Variants in ERCC2 observed in about 807,000 individuals in gnomAD.
ERCC2 encodes ERCC excision repair 2, TFIIH core complex helicase subunit.
ERCC2 carries 90 observed loss-of-function variants against 99.4 expected under a neutral mutation model. That is an observed-to-expected ratio of 0.91 (90% CI 0.76 to 1.08). The LOEUF (loss-of-function observed/expected upper bound fraction) is 1.08. ERCC2 is among the 50% of genes least tolerant of loss of function. The pLI, the probability that ERCC2 is intolerant of heterozygous loss-of-function variation, is 0.00. For synonymous variants in ERCC2, 497 were observed against 432.4 expected (o/e 1.15, Z -1.85); for missense variants, 993 against 1,038.1 (o/e 0.96, Z 0.60).
At chr19:45,352,932 C>T (rs1971867647) in intron 19 of ERCC2, 116 bp from the exon 20 acceptor site, 19 of 1,245,022 alleles carry the variant, frequency 1.5e-5, no homozygotes, top group Non-Finnish European at 2.1e-5. Flanking sequence ...TGTGTTCCCG[C>T]CGGGTGCCTA....
At chr19:45,370,372 C>G in intron 1 of ERCC2, 140 bp from the exon 2 acceptor site, 1 of 1,510,472 alleles carries the variant, frequency 6.6e-7, no homozygotes, top group Non-Finnish European at 8.9e-7. Context: ...CCTCGGGGCC[C>G]CCTCAGTGTC....
rs1449711935 is a variant in ERCC2, at chr19:45,368,625, C to T, written c.360+5G>A. ...TAAGGGCAAGGAGAAGGAACAGGTG[C>T]TCACCTCAGGGTGAATACACAAGTT... On this transcript the variant is annotated splice_donor_5th_base_variant and intron_variant, in intron 5 of 22. Coordinates refer to ENST00000391945, the MANE Select transcript of ERCC2 (RefSeq NM_000400.4). The T allele has an allele frequency of 1.9e-6, 3 of 1,580,998 alleles. No homozygotes were observed. The highest frequency in any genetic ancestry group is 2.2e-5 in the South Asian group (2 of 90,454).
intron 2 of ERCC2, among the ~76,000 whole-genome samples, chr19:45,369,796 C>G (rs998670074): frequency 9.2e-5 from 14 of 152,248 alleles, no homozygotes; most frequent in African/African-American, 3.4e-4. Context: ...CTGCCTCAGC[C>G]TCCCGAGTAG....
rs970615205 is a variant in ERCC2 at position 45,360,739 on chromosome 19, G to A, written c.1237+785C>T. Among the ~76,000 whole-genome samples, 17 of 151,972 alleles carry A rather than the reference G, an allele frequency of 1.1e-4. 1 individual carries two copies. The highest frequency in any genetic ancestry group is 6.2e-4 in the South Asian group (3 of 4,818). On this transcript the variant is annotated intron_variant, in intron 12 of 22. Transcript: ENST00000391945. ...TCGCCATGTTCACCAGGCCAGTCTC[G>A]AACTCCTGACCTCAGGTCATCTGCC...
chr19:45,364,579 C>G, intron 7 of ERCC2, 32 bp from the exon 8 acceptor site: 2 of 1,610,628 alleles, frequency 1.2e-6, no homozygotes, highest in South Asian at 1.1e-5. Context: ...TTACCAGGGC[C>G]CTGCCACCCC....
intron 5 of ERCC2, 119 bp from the exon 6 acceptor site, chr19:45,365,277 G>A: frequency 2.6e-6 from 2 of 771,740 alleles, no homozygotes; most frequent in Non-Finnish European, 4.6e-6. Flanking sequence ...TCAGTCTGTT[G>A]CATTATTAGT....
chr19:45,353,503 G>A (rs1339830049), intron 17 of ERCC2, among the ~76,000 whole-genome samples, 169 bp from the exon 18 acceptor site: 1 of 152,176 alleles, frequency 6.6e-6, no homozygotes, highest in Non-Finnish European at 1.5e-5. Flanking sequence ...TGGGGAAACA[G>A]TGATCTGGGT....
At chr19:45,355,380 C>T (rs1020582663) in intron 16 of ERCC2, among the ~76,000 whole-genome samples, 2 of 152,152 alleles carry the variant, frequency 1.3e-5, no homozygotes, top group Non-Finnish European at 2.9e-5. Context: ...GTGTCACTTC[C>T]AGGGGAGCAC....
chr19:45,362,114 C>T (rs575187298), intron 11 of ERCC2, among the ~76,000 whole-genome samples: 5 of 152,006 alleles, frequency 3.3e-5, no homozygotes, highest in Middle Eastern at 3.4e-3. Context: ...TTAGTAGAGA[C>T]GGACTTTCAC....
chr19:45,352,058 A>C (rs1971816220), intron 22 of ERCC2, 151 bp downstream of exon 22: 3 of 953,638 alleles, frequency 3.1e-6, no homozygotes, highest in Non-Finnish European at 4.8e-6. Flanking sequence ...CCTTCCCCCC[A>C]GAGCCTGGCA....
intron 12 of ERCC2, chr19:45,358,715 C>G (rs1411577604): frequency 7.2e-6 from 5 of 695,658 alleles, no homozygotes; most frequent in Non-Finnish European, 1.3e-5. Context: ...GAGGCCCTCC[C>G]CAGCCACCTT....
chr19:45,355,645 C>T lies in ERCC2; in HGVS notation c.1543+20G>A, dbSNP rs1314549952. On this transcript the variant is annotated intron_variant, in intron 16 of 22. Coordinates refer to ENST00000391945, the MANE Select transcript of ERCC2 (RefSeq NM_000400.4). ...CTCCCCTCTTGGAACCCACAGAAAC[C>T]AGCCCCACTGGCAGCATACCAATAT... 1.9e-6 allele frequency: 3 copies of T among 1,611,836 alleles called. No homozygotes were observed. The highest frequency in any genetic ancestry group is 1.7e-5 in the Admixed American group (1 of 60,016).
chr19:45,368,512 T>C, intron 5 of ERCC2, 118 bp downstream of exon 5: 1 of 743,446 alleles, frequency 1.3e-6, no homozygotes. Flanking sequence ...GGGAATTCTG[T>C]GTGTAGCCAC....
At chr19:45,361,667 G>C (rs777129471) in intron 11 of ERCC2, 25 bp from the exon 12 acceptor site, 6 of 1,535,140 alleles carry the variant, frequency 3.9e-6, no homozygotes, top group Middle Eastern at 1.7e-4. Context: ...AGACGGGGTC[G>C]GGGGGCAGAC....
chr19:45,353,457 G>C (rs905994650), intron 17 of ERCC2, 123 bp from the exon 18 acceptor site: 1 of 706,584 alleles, frequency 1.4e-6, no homozygotes, highest in Non-Finnish European at 2.6e-6. Context: ...TCTGAGATGT[G>C]GTGAGGGAGG....
rs555083927 is a variant in ERCC2 at position 45,356,665 on chromosome 19, C to G, written c.1479+605G>C. Among the ~76,000 whole-genome samples the G allele has an allele frequency of 3.6e-4, 55 of 152,284 alleles. No individual in the cohort carries two copies. In the Middle Eastern group the frequency reaches 0.01, roughly 28 times the overall value. On this transcript the variant is annotated intron_variant, in intron 15 of 22. Coordinates refer to ENST00000391945, the MANE Select transcript of ERCC2 (RefSeq NM_000400.4). ...TCTCTACTAAAATTACAAAAATTAG[C>G]TGGGCATCGTGGCACATGCCTGTAC...
Position 45,350,532 on chromosome 19 carries a change from C to G in ERCC2, c.*1097G>C. On this transcript the variant is annotated 3_prime_UTR_variant, in exon 23 of 23. Transcript: ENST00000391945. Reference sequence around the variant, plus strand: ...CCCCTAGGTGCCCCCAACACAGGCACAGCTGGTGACGCAGAACAGGTGAGG... The same window carrying G: ...CCCCTAGGTGCCCCCAACACAGGCAGAGCTGGTGACGCAGAACAGGTGAGG... 1 of 1,613,976 alleles carries G rather than the reference C, an allele frequency of 6.2e-7. No individual in the cohort carries two copies. The highest frequency in any genetic ancestry group is 8.5e-7 in the Non-Finnish European group (1 of 1,179,996).
In ERCC2 at chr19:45,365,153, T is replaced by C; in HGVS notation, c.366A>G (p.Thr122=). ...RKNLCIHPEV[T]PLRFGKDVDG... is the part of the protein sequence containing the mutation. The stretch of plus-strand genomic sequence containing the variant: ...CGACGTCCTTCCCAAAGCGCAGGGG[T>C]GTCACCTGGGGGTGTGGGGCATCTT... The change falls in exon 6 of 23, where the codon ACA becomes ACG. Residue 122 remains threonine (T), a synonymous_variant. Coordinates refer to ENST00000391945, the MANE Select transcript of ERCC2 (RefSeq NM_000400.4). 3.1e-6 allele frequency: 5 copies of C among 1,613,682 alleles called. No homozygotes were observed. The highest frequency in any genetic ancestry group is 4.2e-6 in the Non-Finnish European group (5 of 1,179,670).
intron 12 of ERCC2, chr19:45,358,756 G>T (rs570075990): frequency 3.3e-5 from 25 of 754,994 alleles, no homozygotes; most frequent in Non-Finnish European, 5.9e-5. Context: ...ACACAACAAT[G>T]TATTTTTTTT....
Sources: allele counts gnomAD v4.1 joint callset (sites outside exome capture counted in the v4.1 genomes callset), GRCh38; gene constraint gnomAD v4.1.1; transcripts MANE v1.5; gene names NCBI Gene and HGNC (gene_info 2026-07-23, HGNC 2026-07-21).